Variants in DCBLD2 observed in about 807,000 individuals in gnomAD.
The protein encoded by DCBLD2 is discoidin, CUB and LCCL domain containing 2.
In DCBLD2, 54 loss-of-function variants were observed where a neutral mutation model predicts 86.8. The ratio of observed to expected loss-of-function variants is 0.62; its 90% CI spans 0.50 to 0.78. The LOEUF is 0.78. Ranked by LOEUF, DCBLD2 falls within the 30% of genes least tolerant of loss-of-function variation. The pLI is 0.00. For synonymous variants in DCBLD2, 354 were observed against 341.3 expected (o/e 1.04, Z -0.41); for missense variants, 908 against 954.2 (o/e 0.95, Z 0.64).
Position 98,844,062 on chromosome 3 carries a change from A to ACACACACACACC in DCBLD2, c.571+5398_571+5399insGGTGTGTGTGTG, listed in dbSNP as rs1459005169. Among the ~76,000 whole-genome samples, 1,392 of 144,088 alleles carry ACACACACACACC rather than the reference A, an allele frequency of 9.7e-3. 29 individuals carry two copies. The highest frequency in any genetic ancestry group is 0.034 in the African/African-American group (1,336 of 38,734). The allele number at this position is 144,088 out of a possible 152,430, so 94.5% of individuals were successfully genotyped here. ...CACACACACACACACACACACACAC[A>ACACACACACACC]CCCCAATTATGGTACATATGAATAA... On this transcript the variant is annotated intron_variant, in intron 3 of 15. Coordinates refer to ENST00000326840, the MANE Select transcript of DCBLD2 (RefSeq NM_080927.4).
chr3:98,898,911 T>A (rs1448450625), intron 1 of DCBLD2, among the ~76,000 whole-genome samples: 1 of 152,242 alleles, frequency 6.6e-6, no homozygotes, highest in Non-Finnish European at 1.5e-5. Flanking sequence ...AATAATCATT[T>A]ATAGCTATTT....
rs1361895299 is a variant in DCBLD2, at chr3:98,901,221, G to A, written c.106C>T (p.Leu36Phe). Residue 36 changes from leucine (L) to phenylalanine (F), a missense_variant, in exon 1 of 16, where the codon CTC (leucine) becomes TTC (phenylalanine). This residue lies in a region of DCBLD2 where 294 missense variants were observed against 256.0 expected (regional missense o/e 1.15). Coordinates refer to ENST00000326840, the MANE Select transcript of DCBLD2 (RefSeq NM_080927.4). ...AWAALPLSRS[L>F]PPCSNSSSFS... ...GAGGAGGAGTTGGAGCAGGGAGGGA[G>A]GGAGCGGGAGAGGGGGAGCGCGGCC... 2 of 1,535,550 alleles carry A rather than the reference G, an allele frequency of 1.3e-6. No individual in the cohort carries two copies. Among genetic ancestry groups the A allele is most frequent in the South Asian group, 2.4e-5 (2 of 83,994 alleles).
chr3:98,820,208 TTATA>T (rs1942094078), intron 7 of DCBLD2, 36 bp downstream of exon 7: 1 of 1,299,890 alleles, frequency 7.7e-7, no homozygotes, highest in South Asian at 2.2e-5. Context: ...TCAAAAAATA[TTATA>T]TAAATAAAAA....
intron 2 of DCBLD2, among the ~76,000 whole-genome samples, chr3:98,854,441 T>C (rs1942897133): frequency 1.3e-5 from 2 of 152,178 alleles, no homozygotes; most frequent in Admixed American, 1.3e-4. Flanking sequence ...GCTGTCCTTT[T>C]GGCTGGATTT....
At chr3:98,858,618 G>A (rs189334092) in intron 2 of DCBLD2, among the ~76,000 whole-genome samples, 3 of 152,320 alleles carry the variant, frequency 2.0e-5, no homozygotes, top group East Asian at 3.9e-4. Flanking sequence ...AAGAGACACA[G>A]AAAGAGAAAA....
At position 98,843,354 on chromosome 3, in the gene DCBLD2, A is replaced by G. The variant is rs866415810; in HGVS notation, c.571+6107T>C. On this transcript the variant is annotated intron_variant, in intron 3 of 15. Transcript: ENST00000326840. ...CCAGATACAGGAACCAAAATTTGGA[A>G]CCCAATATAAAAATAACAAATAGGA... Among the ~76,000 whole-genome samples, 8 of 152,326 alleles carry G rather than the reference A, an allele frequency of 5.3e-5. No homozygotes were observed. In the Middle Eastern group the frequency reaches 0.014, roughly 259 times the overall value.
At chr3:98,860,821 A>G (rs1407949826) in intron 2 of DCBLD2, among the ~76,000 whole-genome samples, 1 of 152,120 alleles carries the variant, frequency 6.6e-6, no homozygotes, top group Admixed American at 6.5e-5. Context: ...ATCAACTAAC[A>G]AGCAAAATAA....
intron 8 of DCBLD2, among the ~76,000 whole-genome samples, chr3:98,818,178 A>G (rs1942057232): frequency 6.6e-6 from 1 of 152,336 alleles, no homozygotes; most frequent in South Asian, 2.1e-4. Context: ...ACTGGGTAAG[A>G]TGACTTCCTG....
chr3:98,833,805 GA>G (rs1942369821), intron 3 of DCBLD2, among the ~76,000 whole-genome samples: 1 of 152,340 alleles, frequency 6.6e-6, no homozygotes, highest in African/African-American at 2.4e-5. Context: ...CTGCAAGGCA[GA>G]AAAGATGGAA....
intron 2 of DCBLD2, among the ~76,000 whole-genome samples, chr3:98,873,322 CAG>C (rs935392781): frequency 4.6e-5 from 7 of 152,086 alleles, no homozygotes; most frequent in African/African-American, 1.7e-4. Flanking sequence ...AAAATAAAGA[CAG>C]ATTTTTAAAT....
chr3:98,877,866 G>A (rs1051650020), intron 2 of DCBLD2, among the ~76,000 whole-genome samples: 8 of 152,128 alleles, frequency 5.3e-5, no homozygotes, highest in Admixed American at 5.2e-4. Context: ...AGGAGCTAGC[G>A]TGAAGAGGCT....
intron 3 of DCBLD2, among the ~76,000 whole-genome samples, chr3:98,841,359 A>T (rs1238864884): frequency 1.3e-5 from 2 of 152,262 alleles, no homozygotes; most frequent in African/African-American, 4.8e-5. Flanking sequence ...ATATACATTT[A>T]AAAAAAATAA....
intron 2 of DCBLD2, among the ~76,000 whole-genome samples, chr3:98,876,313 G>C (rs1388420556): frequency 6.7e-6 from 1 of 150,084 alleles, no homozygotes. Flanking sequence ...CTTGAGCCCA[G>C]GGGTTTGAGG....
At chr3:98,838,669 T>C (rs910442766) in intron 3 of DCBLD2, among the ~76,000 whole-genome samples, 21 of 152,150 alleles carry the variant, frequency 1.4e-4, no homozygotes, top group African/African-American at 4.6e-4. Flanking sequence ...GGCTGCAATC[T>C]CGGCACTTTG....
intron 2 of DCBLD2, among the ~76,000 whole-genome samples, chr3:98,862,410 C>A (rs1158841452): frequency 2.6e-5 from 4 of 151,996 alleles, no homozygotes; most frequent in Non-Finnish European, 5.9e-5. Context: ...GGCAGAGACA[C>A]AACAAAAAAA....
At chr3:98,878,229 G>C (rs1022274723) in intron 2 of DCBLD2, among the ~76,000 whole-genome samples, 1 of 152,084 alleles carries the variant, frequency 6.6e-6, no homozygotes. Flanking sequence ...CATCACCTTA[G>C]CCAAAATATC....
intron 2 of DCBLD2, among the ~76,000 whole-genome samples, chr3:98,879,813 C>A (rs1943429839): frequency 6.6e-6 from 1 of 152,098 alleles, no homozygotes. Flanking sequence ...GTTTGTTCTA[C>A]AGAATTTCTC....
chr3:98,806,771 C>T (rs1941847568), intron 13 of DCBLD2, among the ~76,000 whole-genome samples: 1 of 152,194 alleles, frequency 6.6e-6, no homozygotes, highest in African/African-American at 2.4e-5. Context: ...TATCTCAACT[C>T]ATGACACCTC....
At chr3:98,870,431 G>A (rs1943238521) in intron 2 of DCBLD2, among the ~76,000 whole-genome samples, 1 of 151,918 alleles carries the variant, frequency 6.6e-6, no homozygotes, top group African/African-American at 2.4e-5. Context: ...CAGGATTTTT[G>A]GTTTTATTTG....
Sources: gnomAD v4.1 joint callset for allele counts (sites outside exome capture counted in the v4.1 genomes callset) on GRCh38, gnomAD v4.1.1 for gene constraint, gnomAD v4.1.1 regional missense constraint, MANE v1.5 for transcripts, NCBI Gene and HGNC (gene_info 2026-07-23, HGNC 2026-07-21) for gene names.